The following APP variants were observed in gnomAD, a reference collection of about 807,000 sequenced individuals.
APP encodes amyloid-beta precursor protein.
A neutral mutation model predicts 101.4 loss-of-function variants in APP; 31 were observed. The ratio of observed to expected loss-of-function variants is 0.31; its 90% CI spans 0.23 to 0.41. APP has a LOEUF of 0.41. Ranked by LOEUF, APP falls within the 10% of genes least tolerant of loss-of-function variation. The pLI is 1.00. For synonymous variants in APP, 366 were observed against 364.4 expected (o/e 1.00, Z -0.05); for missense variants, 839 against 1,003.7 (o/e 0.84, Z 2.22).
chr21:26,058,798 T>C (rs1321712242), intron 3 of APP, among the ~76,000 whole-genome samples: 1 of 151,600 alleles, frequency 6.6e-6, no homozygotes, highest in Non-Finnish European at 1.5e-5. Context: ...ATAAAGACAT[T>C]AGGCCGGGCG....
chr21:26,042,241 TAGTCA>T, intron 5 of APP, among the ~76,000 whole-genome samples: 2 of 152,172 alleles, frequency 1.3e-5, no homozygotes, highest in Non-Finnish European at 2.9e-5. Flanking sequence ...AAAAGATATA[TAGTCA>T]AATACAGCCT....
At chr21:26,052,821 G>A (rs1355369150) in intron 4 of APP, among the ~76,000 whole-genome samples, 3 of 152,094 alleles carry the variant, frequency 2.0e-5, no homozygotes, top group Admixed American at 6.5e-5. Context: ...AACAACAGGT[G>A]CATAAAAATA....
intron 5 of APP, among the ~76,000 whole-genome samples, chr21:26,024,153 T>C (rs544031493): frequency 1.3e-5 from 2 of 152,296 alleles, no homozygotes; most frequent in East Asian, 1.9e-4. Flanking sequence ...ACTAGAGGAA[T>C]AGATGTCCTT....
intron 5 of APP, among the ~76,000 whole-genome samples, chr21:26,029,473 G>C (rs1285042443): frequency 8.1e-6 from 1 of 123,262 alleles, no homozygotes; most frequent in Non-Finnish European, 1.6e-5. Flanking sequence ...TGTGTCTAGT[G>C]AGGCAGAGAT....
chr21:25,975,890 G>C (rs895857567), intron 10 of APP, 64 bp downstream of exon 10: 4 of 1,318,014 alleles, frequency 3.0e-6, no homozygotes, highest in Non-Finnish European at 4.4e-6. Flanking sequence ...AGGTAAACCT[G>C]CAGACACTCA....
chr21:26,154,740 A>T (rs189668419), intron 1 of APP, among the ~76,000 whole-genome samples: 1 of 151,886 alleles, frequency 6.6e-6, no homozygotes, highest in East Asian at 2.1e-4. Flanking sequence ...GGTGATTTTG[A>T]ACAACTCAAC....
chr21:25,966,472 T>C (rs1188298495), intron 11 of APP, among the ~76,000 whole-genome samples: 3 of 152,230 alleles, frequency 2.0e-5, no homozygotes, highest in African/African-American at 7.2e-5. Flanking sequence ...TGGCAGTCTT[T>C]CAACTTTTAA....
At chr21:26,024,043 T>C (rs1423531605) in intron 5 of APP, among the ~76,000 whole-genome samples, 1 of 152,136 alleles carries the variant, frequency 6.6e-6, no homozygotes, top group East Asian at 1.9e-4. Context: ...AAAAGGCCTA[T>C]TAGGAAATCC....
chr21:25,985,566 T>A (rs116529019), intron 8 of APP, among the ~76,000 whole-genome samples: 1 of 152,162 alleles, frequency 6.6e-6, no homozygotes, highest in Non-Finnish European at 1.5e-5. Flanking sequence ...AGATTTGGAC[T>A]AAATCATACC....
In APP at chr21:26,089,933, G is replaced by C; in HGVS notation, c.355+10C>G. On this transcript the variant is annotated intron_variant, in intron 3 of 17. Transcript: ENST00000346798. ...CCAATCAACACCAGCCCCACGGCCG[G>C]CCGGCTCACCTAAGCAGCGGTAGGG... 1 of 1,613,830 alleles carries C rather than the reference G, an allele frequency of 6.2e-7. No homozygotes were observed. The highest frequency in any genetic ancestry group is 8.5e-7 in the Non-Finnish European group (1 of 1,179,814).
chr21:26,041,518 C>T (rs1247991479), intron 5 of APP, among the ~76,000 whole-genome samples: 12 of 152,184 alleles, frequency 7.9e-5, no homozygotes, highest in Non-Finnish European at 1.0e-4. Flanking sequence ...ATCCTTAGCA[C>T]TGAATAATCC....
intron 13 of APP, among the ~76,000 whole-genome samples, chr21:25,917,471 A>T (rs960257793): frequency 6.6e-6 from 1 of 152,218 alleles, no homozygotes; most frequent in Admixed American, 6.5e-5. Context: ...CCTTATAAAT[A>T]AAAGAACTGC....
chr21:25,893,209 T>TTC (rs2037811855), intron 16 of APP, among the ~76,000 whole-genome samples: 1 of 152,172 alleles, frequency 6.6e-6, no homozygotes. Context: ...GTTGTGTGTG[T>TTC]TCTGTCTGCC....
At chr21:26,069,121 A>AT (rs1185613175) in intron 3 of APP, among the ~76,000 whole-genome samples, 1 of 152,220 alleles carries the variant, frequency 6.6e-6, no homozygotes, top group Non-Finnish European at 1.5e-5. Flanking sequence ...ATTTGGTTGT[A>AT]GAACCCAACC....
At chr21:26,124,405 A>G (rs2062639256) in intron 1 of APP, among the ~76,000 whole-genome samples, 1 of 152,232 alleles carries the variant, frequency 6.6e-6, no homozygotes. Context: ...CCTATTAGCT[A>G]TGTTGCTCAA....
chr21:26,056,498 T>C (rs1282461235), intron 3 of APP, among the ~76,000 whole-genome samples: 1 of 152,232 alleles, frequency 6.6e-6, no homozygotes, highest in Non-Finnish European at 1.5e-5. Flanking sequence ...CTTGAACTTG[T>C]GTTTAGGACA....
intron 6 of APP, among the ~76,000 whole-genome samples, chr21:26,004,205 G>A (rs770402529): frequency 1.3e-5 from 2 of 151,874 alleles, no homozygotes; most frequent in East Asian, 3.9e-4. Flanking sequence ...AGTGTTAAGG[G>A]ATTAATGTCA....
At chr21:26,029,739 T>C (rs2044738426) in intron 5 of APP, among the ~76,000 whole-genome samples, 4 of 152,264 alleles carry the variant, frequency 2.6e-5, no homozygotes, top group Non-Finnish European at 5.9e-5. Flanking sequence ...CTTGTTCTTG[T>C]ACATCCTGTG....
chr21:26,120,765 T>C, intron 1 of APP, among the ~76,000 whole-genome samples: 1 of 152,196 alleles, frequency 6.6e-6, no homozygotes, highest in East Asian at 1.9e-4. Flanking sequence ...TAAAAGGAAA[T>C]ATTTCAAATC....
Sources: gnomAD v4.1 joint callset for allele counts (sites outside exome capture counted in the v4.1 genomes callset) on GRCh38, gnomAD v4.1.1 for gene constraint, MANE v1.5 for transcripts, NCBI Gene and HGNC (gene_info 2026-07-23, HGNC 2026-07-21) for gene names.